The following SORCS1 variants were observed in gnomAD, a reference collection of about 807,000 sequenced individuals.
The protein encoded by SORCS1 is sortilin related VPS10 domain containing receptor 1.
SORCS1 carries 60 observed loss-of-function variants against 146.1 expected under a neutral mutation model. The observed-to-expected ratio is 0.41, with a 90% confidence interval of 0.33 to 0.51. The LOEUF (loss-of-function observed/expected upper bound fraction) is 0.51. Among genes scored for constraint, SORCS1 ranks in the 20% least tolerant of loss-of-function variants. The pLI is 0.21. For synonymous variants in SORCS1, 637 were observed against 584.0 expected (o/e 1.09, Z -1.31); for missense variants, 1,352 against 1,487.6 (o/e 0.91, Z 1.50).
chr10:107,171,704 C>A, the SORCS1 span, among the ~76,000 whole-genome samples: 8 of 151,856 alleles, frequency 5.3e-5, no homozygotes, highest in African/African-American at 1.9e-4. Flanking sequence ...TTAGTAGAGA[C>A]GGGGTTTCAC....
intron 1 of SORCS1, among the ~76,000 whole-genome samples, chr10:106,966,783 C>G (rs1309530538): frequency 2.0e-5 from 3 of 152,220 alleles, no homozygotes; most frequent in African/African-American, 7.2e-5. Context: ...TTGCAGGACT[C>G]TTCCTGTGCC....
chr10:106,775,732 C>T (rs764028099), intron 4 of SORCS1, among the ~76,000 whole-genome samples: 2 of 152,222 alleles, frequency 1.3e-5, no homozygotes, highest in African/African-American at 2.4e-5. Flanking sequence ...AATTATCCCT[C>T]TGGTTTTTAT....
intron 1 of SORCS1, among the ~76,000 whole-genome samples, chr10:107,133,365 C>T (rs542180991): frequency 3.3e-5 from 5 of 152,142 alleles, no homozygotes; most frequent in African/African-American, 9.6e-5. Context: ...AAGACAACTG[C>T]ATTCCTTCTG....
intron 1 of SORCS1, among the ~76,000 whole-genome samples, chr10:107,132,518 G>C (rs778817241): frequency 6.6e-6 from 1 of 152,140 alleles, no homozygotes; most frequent in Non-Finnish European, 1.5e-5. Flanking sequence ...TCTTTAGCAC[G>C]CTAACAGTAG....
intron 1 of SORCS1, among the ~76,000 whole-genome samples, chr10:107,116,180 T>C (rs1211338813): frequency 2.0e-5 from 3 of 152,104 alleles, no homozygotes; most frequent in African/African-American, 7.2e-5. Context: ...TAAATTGGTA[T>C]AGCCATTATG....
At chr10:106,993,975 C>T (rs1006827182) in intron 1 of SORCS1, among the ~76,000 whole-genome samples, 9 of 145,658 alleles carry the variant, frequency 6.2e-5, no homozygotes, top group African/African-American at 2.3e-4. Context: ...TCGGGAGGAT[C>T]GCTTGAGCCT....
intron 1 of SORCS1, among the ~76,000 whole-genome samples, chr10:106,964,063 A>T (rs1412335463): frequency 6.6e-6 from 1 of 152,200 alleles, no homozygotes; most frequent in East Asian, 1.9e-4. Context: ...TAAAGACGAG[A>T]GGTATACAAA....
chr10:106,588,533 G>A (rs536856553), intron 24 of SORCS1, among the ~76,000 whole-genome samples: 35 of 152,152 alleles, frequency 2.3e-4, no homozygotes, highest in Non-Finnish European at 4.0e-4. Flanking sequence ...AGAGGCCACC[G>A]TCGTAAGCAT....
At chr10:107,047,081 C>T (rs1288311207) in intron 1 of SORCS1, among the ~76,000 whole-genome samples, 3 of 152,144 alleles carry the variant, frequency 2.0e-5, no homozygotes, top group Non-Finnish European at 4.4e-5. Context: ...CTCTGCCTCC[C>T]GGGTTCAAGC....
rs192142432 is a variant in SORCS1 at position 106,966,734 on chromosome 10, G to A, written c.559-10154C>T. ...CTGACTCTGTTTCTCCACAGAGCCA[G>A]AGGTCATTTGTAGCTAAGACATAAA... On this transcript the variant is annotated intron_variant, in intron 1 of 25. Coordinates refer to ENST00000263054, the MANE Select transcript of SORCS1 (RefSeq NM_052918.5). Among the ~76,000 whole-genome samples, 33 of 152,272 alleles carry A rather than the reference G, an allele frequency of 2.2e-4. No homozygotes were observed. In the East Asian group the frequency reaches 6.0e-3, roughly 28 times the overall value.
At chr10:106,865,323 T>C (rs1365805888) in intron 2 of SORCS1, among the ~76,000 whole-genome samples, 1 of 152,196 alleles carries the variant, frequency 6.6e-6, no homozygotes, top group Admixed American at 6.5e-5. Context: ...CAGCCATGTT[T>C]GTGGTTTTGC....
rs115428876 is a variant in SORCS1 at position 106,699,413 on chromosome 10, C to T, written c.1234-20G>A. On this transcript the variant is annotated intron_variant, in intron 8 of 25. Transcript: ENST00000263054. ...CATGTCCTGTGAAAAGACACAAGGT[C>T]GTGAAGAGGGAAAAAGAGTTTTATA... The T allele has an allele frequency of 4.8e-4, 769 of 1,586,128 alleles. 4 individuals carry two copies. In the African/African-American group the frequency reaches 7.7e-3, roughly 16 times the overall value.
At chr10:106,601,671 C>T (rs1241618105) in intron 23 of SORCS1, among the ~76,000 whole-genome samples, 2 of 152,144 alleles carry the variant, frequency 1.3e-5, no homozygotes, top group Non-Finnish European at 2.9e-5. Flanking sequence ...CAATTTTTTG[C>T]TCACATGTCA....
intron 5 of SORCS1, among the ~76,000 whole-genome samples, chr10:106,746,589 C>G (rs1857762321): frequency 6.6e-6 from 1 of 152,160 alleles, no homozygotes; most frequent in Admixed American, 6.5e-5. Flanking sequence ...TAAGCTACTT[C>G]ATTTTTCAAA....
Position 106,677,326 on chromosome 10 carries a change from T to A in SORCS1, c.1819A>T (p.Ile607Phe). Residue 607 changes from isoleucine (I) to phenylalanine (F), a missense_variant, in exon 13 of 26, where the codon ATT becomes TTT. Ile to Phe is a conservative substitution (Grantham distance 21). Around this residue, in one of 3 missense-constraint regions of SORCS1, gnomAD observed 648 missense variants for 793.8 expected, o/e 0.82. Transcript: ENST00000263054. ...ATGTGCCCTTACCAAAGATGTCGAA[T>A]TGGGAGAGATGTGTGTTTCATAGCA... is the stretch of plus-strand genomic sequence containing the variant. ...LVAMKHTSLP[I>F]RHLWLSFDEG... is the part of the protein sequence containing the mutation. 2 of 1,613,890 alleles carry A rather than the reference T, an allele frequency of 1.2e-6. No homozygotes were observed. The highest frequency in any genetic ancestry group is 1.7e-6 in the Non-Finnish European group (2 of 1,179,818).
chr10:106,725,506 G>A (rs1317108231), intron 6 of SORCS1, among the ~76,000 whole-genome samples: 2 of 151,546 alleles, frequency 1.3e-5, no homozygotes, highest in African/African-American at 2.4e-5. Context: ...AGCTGAGATC[G>A]CGCCATTACA....
Position 106,650,802 on chromosome 10 carries a change from A to C in SORCS1, c.2475+1580T>G, listed in dbSNP as rs573572401. Among the ~76,000 whole-genome samples, 7 of 152,274 alleles carry C rather than the reference A, an allele frequency of 4.6e-5. No homozygotes were observed. In the South Asian group the frequency reaches 1.4e-3, roughly 32 times the overall value. On this transcript the variant is annotated intron_variant, in intron 18 of 25. Coordinates refer to ENST00000263054, the MANE Select transcript of SORCS1 (RefSeq NM_052918.5). ...GCAGTCAATTTCCCATCTCTTAAGA[A>C]AGGAATTTTAGCTTCTCAATCCTCC...
chr10:106,910,626 T>C (rs1952107382), intron 2 of SORCS1, among the ~76,000 whole-genome samples: 1 of 152,078 alleles, frequency 6.6e-6, no homozygotes, highest in South Asian at 2.1e-4. Context: ...TTGACAGTTG[T>C]TTTTCAATAG....
chr10:106,580,918 C>T (rs891723676), intron 24 of SORCS1, among the ~76,000 whole-genome samples: 12 of 152,122 alleles, frequency 7.9e-5, no homozygotes, highest in Non-Finnish European at 5.9e-5. Context: ...AAGGAACCCC[C>T]CCGCTATTTT....
Sources: allele counts gnomAD v4.1 joint callset (sites outside exome capture counted in the v4.1 genomes callset), GRCh38; gene constraint gnomAD v4.1.1; regional missense constraint gnomAD v4.1.1; transcripts MANE v1.5; gene names NCBI Gene and HGNC (gene_info 2026-07-23, HGNC 2026-07-21).